Variants in SPOCK1 observed in about 807,000 individuals in gnomAD.
SPOCK1 encodes testican-1.
Under a neutral mutation model 55.3 loss-of-function variants are expected in SPOCK1, and 23 were observed. The ratio of observed to expected loss-of-function variants is 0.42; its 90% CI spans 0.30 to 0.59. The LOEUF (loss-of-function observed/expected upper bound fraction) is 0.59. Among genes scored for constraint, SPOCK1 ranks in the 20% least tolerant of loss-of-function variants. The pLI, the probability that SPOCK1 is intolerant of heterozygous loss-of-function variation, is 0.22. For missense variants in SPOCK1, 499 were observed against 552.5 expected (o/e 0.90, Z 0.97); for synonymous variants, 226 against 221.0 (o/e 1.02, Z -0.20).
intron 3 of SPOCK1, among the ~76,000 whole-genome samples, chr5:137,157,269 G>T (rs1754434430): frequency 6.6e-6 from 1 of 152,196 alleles, no homozygotes. Context: ...GCTCCAGGAG[G>T]ATTAGTTTTC....
At chr5:137,354,650 T>C (rs1750752316) in intron 2 of SPOCK1, among the ~76,000 whole-genome samples, 1 of 152,104 alleles carries the variant, frequency 6.6e-6, no homozygotes, top group African/African-American at 2.4e-5. Flanking sequence ...AGCATAAAGT[T>C]TAGGAGCAAG....
At chr5:137,087,767 T>A (rs1490684567) in intron 5 of SPOCK1, among the ~76,000 whole-genome samples, 1 of 151,740 alleles carries the variant, frequency 6.6e-6, no homozygotes, top group Non-Finnish European at 1.5e-5. Context: ...TTAGGAAAGG[T>A]TTTCCAAGCC....
intron 2 of SPOCK1, among the ~76,000 whole-genome samples, chr5:137,322,346 A>AC (rs1554075608): frequency 7.1e-4 from 61 of 85,502 alleles, no homozygotes; most frequent in Non-Finnish European, 1.5e-3. Context: ...GAAAAAAAAA[A>AC]AAACACACAC....
At chr5:137,023,717 G>GA (rs34819351) in intron 6 of SPOCK1, among the ~76,000 whole-genome samples, 13,647 of 152,112 alleles carry the variant, frequency 0.09, 831 homozygotes, top group Non-Finnish European at 0.13. Context: ...ATCACGAGAG[G>GA]AAATGCCAAT....
intron 4 of SPOCK1, among the ~76,000 whole-genome samples, chr5:137,138,712 C>G (rs377396924): frequency 1.6e-5 from 2 of 124,092 alleles, no homozygotes; most frequent in African/African-American, 3.0e-5. Flanking sequence ...CCCCCCCCCC[C>G]CAAAAAAAAG....
intron 6 of SPOCK1, among the ~76,000 whole-genome samples, chr5:137,034,419 G>C (rs968971775): frequency 6.6e-6 from 1 of 152,158 alleles, no homozygotes; most frequent in African/African-American, 2.4e-5. Context: ...GGCATTCTCC[G>C]AGGCAGAGCT....
At chr5:137,429,017 G>A (rs6878736) in intron 2 of SPOCK1, among the ~76,000 whole-genome samples, 49,023 of 152,044 alleles carry the variant, frequency 0.32, 8,074 homozygotes, top group Middle Eastern at 0.45. Context: ...TGGTACTCTC[G>A]CCCTACCTTG....
chr5:136,976,101 C>G lies in SPOCK1; in HGVS notation c.*2553G>C, dbSNP rs1445809923. On this transcript the variant is annotated 3_prime_UTR_variant, in exon 11 of 11. Transcript: ENST00000394945. Reference sequence around the variant, plus strand: ...AGGACTATTTCCAAGAAGAAGAAAGCAAACATTCTACTTCTAAGGATAAGG... The same window carrying G: ...AGGACTATTTCCAAGAAGAAGAAAGGAAACATTCTACTTCTAAGGATAAGG... 6.6e-6 allele frequency: 1 copy of G among 152,076 alleles called. No individual in the cohort carries two copies. The highest frequency in any genetic ancestry group is 1.5e-5 in the Non-Finnish European group (1 of 68,008). 9.4% of individuals were successfully genotyped at this position (152,076 alleles called of 1,614,324 possible).
intron 3 of SPOCK1, among the ~76,000 whole-genome samples, chr5:137,242,594 T>C (rs1031200651): frequency 6.6e-6 from 1 of 152,114 alleles, no homozygotes; most frequent in Non-Finnish European, 1.5e-5. Flanking sequence ...AAAAATTAGC[T>C]AGACATGGTG....
At chr5:137,245,165 T>A (rs536368870) in intron 3 of SPOCK1, among the ~76,000 whole-genome samples, 1 of 152,106 alleles carries the variant, frequency 6.6e-6, no homozygotes, top group East Asian at 1.9e-4. Context: ...AAGGAGAAAA[T>A]AAATATTATT....
At chr5:137,195,431 G>T (rs1755279407) in intron 3 of SPOCK1, among the ~76,000 whole-genome samples, 1 of 152,212 alleles carries the variant, frequency 6.6e-6, no homozygotes, top group Non-Finnish European at 1.5e-5. Context: ...AACATTAATT[G>T]TTTTTTGAAG....
At chr5:137,017,036 G>GC (rs1751460233) in intron 6 of SPOCK1, among the ~76,000 whole-genome samples, 1 of 152,232 alleles carries the variant, frequency 6.6e-6, no homozygotes, top group South Asian at 2.1e-4. Context: ...GCATGCTGTG[G>GC]CCCCCACAGT....
chr5:137,067,371 AG>A (rs1752528563), intron 6 of SPOCK1, among the ~76,000 whole-genome samples: 1 of 152,208 alleles, frequency 6.6e-6, no homozygotes, highest in African/African-American at 2.4e-5. Context: ...AGAAGTTCAA[AG>A]GATTCAAAAG....
At chr5:137,370,195 C>T (rs1049843706) in intron 2 of SPOCK1, among the ~76,000 whole-genome samples, 4 of 152,098 alleles carry the variant, frequency 2.6e-5, no homozygotes, top group Admixed American at 2.0e-4. Context: ...CTACCTCTGC[C>T]GAGCCAGAGC....
Position 137,158,749 on chromosome 5 carries a change from T to A in SPOCK1, c.233-18055A>T, listed in dbSNP as rs559454764. On this transcript the variant is annotated intron_variant, in intron 3 of 10. Transcript: ENST00000394945. ...AAGGGAAGGAGTCTCGGGGGCACCA[T>A]AACAAGGGAGGGACCATGGAGAAAG... is the stretch of plus-strand genomic sequence containing the variant. Among the ~76,000 whole-genome samples, 6 of 151,674 alleles carry A rather than the reference T, an allele frequency of 4.0e-5. No individual in the cohort carries two copies. The East Asian group carries it at 7.8e-4, about 20-fold the overall frequency.
chr5:137,428,962 T>C (rs78141009), intron 2 of SPOCK1, among the ~76,000 whole-genome samples: 24,755 of 152,258 alleles, frequency 0.16, 2,249 homozygotes, highest in Admixed American at 0.28. Flanking sequence ...CAACCTGTTT[T>C]CATCCTGCAA....
Position 137,203,533 on chromosome 5 carries a change from G to T in SPOCK1, c.233-62839C>A, listed in dbSNP as rs1335686378. On this transcript the variant is annotated intron_variant, in intron 3 of 10. Coordinates refer to ENST00000394945, the MANE Select transcript of SPOCK1 (RefSeq NM_004598.4). ...CAGGGAGCTGCTTCTAATTACCAAT[G>T]TTCACTATATGATTTCCTTATCATT... is the stretch of plus-strand genomic sequence containing the variant. 3.9e-5 allele frequency among the ~76,000 whole-genome samples: 6 copies of T among 152,160 alleles called. No individual in the cohort carries two copies. In the South Asian group the frequency reaches 1.2e-3, roughly 32 times the overall value.
At chr5:137,402,903 C>T (rs1436572882) in intron 2 of SPOCK1, among the ~76,000 whole-genome samples, 3 of 152,160 alleles carry the variant, frequency 2.0e-5, no homozygotes, top group Non-Finnish European at 2.9e-5. Flanking sequence ...TGGGTCAGGA[C>T]CTTCTTAGAA....
intron 2 of SPOCK1, among the ~76,000 whole-genome samples, chr5:137,368,945 T>C (rs1751137536): frequency 6.6e-6 from 1 of 152,238 alleles, no homozygotes; most frequent in Non-Finnish European, 1.5e-5. Flanking sequence ...TGTATTTCAT[T>C]TCTTTTGTGT....
Sources: allele counts gnomAD v4.1 joint callset (sites outside exome capture counted in the v4.1 genomes callset), GRCh38; gene constraint gnomAD v4.1.1; transcripts MANE v1.5; gene names NCBI Gene and HGNC (gene_info 2026-07-23, HGNC 2026-07-21).